The following KCTD16 variants were observed in gnomAD, a reference collection of about 807,000 sequenced individuals.
KCTD16 encodes the protein potassium channel tetramerization domain containing 16.
In KCTD16, 13 loss-of-function variants were observed where a neutral mutation model predicts 33.2. The observed-to-expected ratio is 0.39, with a 90% confidence interval of 0.25 to 0.62. The LOEUF (loss-of-function observed/expected upper bound fraction) is 0.62, where lower values mean the gene tolerates loss of function less well. Among genes scored for constraint, KCTD16 ranks in the 20% least tolerant of loss-of-function variants. The pLI, the probability that KCTD16 is intolerant of heterozygous loss-of-function variation, is 0.50. For synonymous variants in KCTD16, 197 were observed against 195.3 expected (o/e 1.01, Z -0.07); for missense variants, 441 against 525.1 (o/e 0.84, Z 1.57).
At chr5:144,403,076 T>G (rs972200866) in intron 3 of KCTD16, among the ~76,000 whole-genome samples, 1 of 152,216 alleles carries the variant, frequency 6.6e-6, no homozygotes, top group Non-Finnish European at 1.5e-5. Context: ...TCTGTCTGAC[T>G]TCTAGTCCTC....
chr5:144,482,002 G>C lies in KCTD16; in HGVS notation c.*7888G>C, dbSNP rs779710358. 6.6e-6 allele frequency: 1 copy of C among 151,882 alleles called. No homozygotes were observed. The highest frequency in any genetic ancestry group is 2.4e-5 in the African/African-American group (1 of 41,390). The allele number at this position is 151,882 out of a possible 1,614,324, so 9.4% of individuals were successfully genotyped here. ...TCCTCTCTTTACAGATGAGGTCAGT[G>C]AGGCTCAGAAAGATAAAGTAGCACA... On this transcript the variant is annotated 3_prime_UTR_variant, in exon 4 of 4. Coordinates refer to ENST00000512467, the MANE Select transcript of KCTD16 (RefSeq NM_020768.4).
At chr5:144,236,207 A>G (rs1240279247) in intron 3 of KCTD16, among the ~76,000 whole-genome samples, 20 of 152,160 alleles carry the variant, frequency 1.3e-4, no homozygotes, top group Non-Finnish European at 2.9e-5. Context: ...AATAAGTGCT[A>G]TATCTGAGAG....
At chr5:144,418,135 T>C (rs186140637) in intron 3 of KCTD16, among the ~76,000 whole-genome samples, 162 of 152,272 alleles carry the variant, frequency 1.1e-3, no homozygotes, top group African/African-American at 3.7e-3. Flanking sequence ...CTGCCCTCAC[T>C]GGCTTCAGGA....
chr5:144,196,063 C>T (rs771369831), intron 2 of KCTD16, among the ~76,000 whole-genome samples: 2 of 152,110 alleles, frequency 1.3e-5, no homozygotes, highest in Non-Finnish European at 2.9e-5. Flanking sequence ...AACATAGTTC[C>T]TTGTACAAAT....
At chr5:144,187,424 TCACACA>T (rs72391987) in intron 2 of KCTD16, among the ~76,000 whole-genome samples, 6 of 150,472 alleles carry the variant, frequency 4.0e-5, no homozygotes, top group East Asian at 2.0e-4. Context: ...AGAGCTGATT[TCACACA>T]CACACACACA....
chr5:144,417,218 C>G (rs1411748440), intron 3 of KCTD16, among the ~76,000 whole-genome samples: 1 of 152,138 alleles, frequency 6.6e-6, no homozygotes, highest in Non-Finnish European at 1.5e-5. Context: ...CTAAATATTT[C>G]TATTTCTCAT....
In KCTD16 at chr5:144,474,129, C is replaced by T. The variant is rs151242810; in HGVS notation, c.*15C>T. 75,179 of 1,273,414 alleles carry T rather than the reference C, an allele frequency of 0.059. 3,315 individuals are homozygous for T. Among genetic ancestry groups the T allele is most frequent in the South Asian group, 0.22 (16,217 of 74,072 alleles). The allele number at this position is 1,273,414 out of a possible 1,614,324, so 78.9% of individuals were successfully genotyped here. The stretch of plus-strand genomic sequence containing the variant: ...ATCATCTATAAGGGAGGGCTGGGGG[C>T]GGGAAAAGAAAAAAAAAAGTCATTT... On this transcript the variant is annotated 3_prime_UTR_variant, in exon 4 of 4. Coordinates refer to ENST00000512467, the MANE Select transcript of KCTD16 (RefSeq NM_020768.4).
intron 3 of KCTD16, among the ~76,000 whole-genome samples, chr5:144,369,012 A>G (rs1165810741): frequency 1.3e-5 from 2 of 152,198 alleles, no homozygotes; most frequent in African/African-American, 2.4e-5. Flanking sequence ...GAAAATGAGG[A>G]CTGCCTCATC....
intron 3 of KCTD16, among the ~76,000 whole-genome samples, chr5:144,341,119 C>T (rs368295103): frequency 1.3e-5 from 2 of 152,104 alleles, no homozygotes; most frequent in South Asian, 4.1e-4. Flanking sequence ...TCTTGGACTT[C>T]CCAGCCTTCC....
intron 3 of KCTD16, among the ~76,000 whole-genome samples, chr5:144,305,001 TCTGAGTTGGC>T (rs1751561454): frequency 9.5e-6 from 1 of 105,338 alleles, no homozygotes. Context: ...TTTTTTTTTT[TCTGAGTTGGC>T]TTTCCTGGGC....
chr5:144,432,217 T>C (rs1041719769), intron 3 of KCTD16, among the ~76,000 whole-genome samples: 8 of 152,136 alleles, frequency 5.3e-5, no homozygotes, highest in Non-Finnish European at 1.2e-4. Context: ...TTAATCTGAG[T>C]AGGATACTTT....
intron 3 of KCTD16, among the ~76,000 whole-genome samples, chr5:144,432,429 C>T (rs1356905410): frequency 6.6e-6 from 1 of 152,212 alleles, no homozygotes; most frequent in East Asian, 1.9e-4. Context: ...TAGCTAGTAG[C>T]CAGTAGAAGG....
intron 3 of KCTD16, among the ~76,000 whole-genome samples, chr5:144,276,747 A>G (rs1307169866): frequency 4.6e-5 from 7 of 152,096 alleles, no homozygotes; most frequent in East Asian, 1.9e-4. Flanking sequence ...CTGCTAAAAT[A>G]CAAAAATTAG....
In KCTD16 at chr5:144,201,127, C is replaced by T. The variant is rs185392367; in HGVS notation, c.-326-5262C>T. On this transcript the variant is annotated intron_variant, in intron 2 of 3. Coordinates refer to ENST00000512467, the MANE Select transcript of KCTD16 (RefSeq NM_020768.4). The stretch of plus-strand genomic sequence containing the variant: ...TGCATGTGAGTGTTTGAGTCAGAGA[C>T]TATATGAAATCGGGCTTTGCATCTC... 6.4e-4 allele frequency among the ~76,000 whole-genome samples: 98 copies of T among 152,264 alleles called. 1 individual carries two copies. The East Asian group carries it at 0.012, about 19-fold the overall frequency.
intron 2 of KCTD16, among the ~76,000 whole-genome samples, chr5:144,200,157 A>AT (rs11374049): frequency 0.46 from 68,271 of 149,316 alleles, 16,404 homozygotes; most frequent in African/African-American, 0.63. Context: ...GAGTAGCATA[A>AT]TTTTTTTTTT....
At position 144,377,201 on chromosome 5, in the gene KCTD16, C is replaced by A. The variant is rs187143965; in HGVS notation, c.833-96459C>A. Among the ~76,000 whole-genome samples, 24 of 152,276 alleles carry A rather than the reference C, an allele frequency of 1.6e-4. No homozygotes were observed. The East Asian group carries it at 4.4e-3, about 28-fold the overall frequency. ...CCCTATTGGACTGTCTCTCTTTTTA[C>A]TTTCTCTTGGGGTTCCTTGATCATC... On this transcript the variant is annotated intron_variant, in intron 3 of 3. Transcript: ENST00000512467.
intron 3 of KCTD16, among the ~76,000 whole-genome samples, chr5:144,465,193 CT>C (rs1561618196): frequency 6.1e-5 from 3 of 48,854 alleles, no homozygotes; most frequent in Admixed American, 3.1e-4. Context: ...CCCCCCCTCT[CT>C]CTCTCACTCT....
chr5:144,441,469 G>C (rs1753706088), intron 3 of KCTD16, among the ~76,000 whole-genome samples: 1 of 151,922 alleles, frequency 6.6e-6, no homozygotes, highest in Non-Finnish European at 1.5e-5. Flanking sequence ...GGGTACATGT[G>C]CACAACGATA....
chr5:144,376,842 C>T (rs1312213459), intron 3 of KCTD16, among the ~76,000 whole-genome samples: 8 of 152,134 alleles, frequency 5.3e-5, no homozygotes, highest in East Asian at 1.9e-4. Flanking sequence ...TCATTGGCTG[C>T]GATCACTAAC....
Sources: allele counts gnomAD v4.1 joint callset (sites outside exome capture counted in the v4.1 genomes callset), GRCh38; gene constraint gnomAD v4.1.1; transcripts MANE v1.5; gene names NCBI Gene and HGNC (gene_info 2026-07-23, HGNC 2026-07-21).